SGCD: variants seen among roughly 807,000 people sequenced by gnomAD.
SGCD encodes delta-sarcoglycan.
A neutral mutation model predicts 36.6 loss-of-function variants in SGCD; 18 were observed. That is an observed-to-expected ratio of 0.49 (90% CI 0.34 to 0.73). The LOEUF is 0.73. Among genes scored for constraint, SGCD ranks in the 30% least tolerant of loss-of-function variants. The pLI is 0.01. For synonymous variants in SGCD, 133 were observed against 130.6 expected (o/e 1.02, Z -0.12); for missense variants, 387 against 346.7 (o/e 1.12, Z -0.92).
intron 3 of SGCD, among the ~76,000 whole-genome samples, chr5:156,445,567 A>G (rs1753724349): frequency 6.6e-6 from 1 of 152,132 alleles, no homozygotes; most frequent in Admixed American, 6.6e-5. Context: ...CAACGTGATT[A>G]TAAGTGTGGT....
At chr5:156,386,112 GT>G (rs1771263866) in intron 3 of SGCD, among the ~76,000 whole-genome samples, 1 of 152,344 alleles carries the variant, frequency 6.6e-6, no homozygotes, top group African/African-American at 2.4e-5. Context: ...TGATAGTATA[GT>G]TATTGAGCTT....
chr5:156,014,100 A>G (rs1156808463), intron 1 of SGCD, among the ~76,000 whole-genome samples: 1 of 151,842 alleles, frequency 6.6e-6, no homozygotes, highest in Admixed American at 6.6e-5. Flanking sequence ...TAATTATAGA[A>G]TCTCTTTTTG....
chr5:155,858,046 G>A, the SGCD span, among the ~76,000 whole-genome samples: 66 of 152,066 alleles, frequency 4.3e-4, no homozygotes, highest in East Asian at 6.2e-3. Flanking sequence ...ACTATAACTC[G>A]TGGTAGTGAT....
intron 3 of SGCD, among the ~76,000 whole-genome samples, chr5:156,449,892 A>AATT (rs1753933038): frequency 6.6e-6 from 1 of 151,298 alleles, no homozygotes; most frequent in Non-Finnish European, 1.5e-5. Context: ...TCGACTTCAG[A>AATT]ATTTCTCCAA....
chr5:155,847,195 A>G, the SGCD span, among the ~76,000 whole-genome samples: 1 of 152,194 alleles, frequency 6.6e-6, no homozygotes, highest in South Asian at 2.1e-4. Flanking sequence ...ATGAGATCTC[A>G]TGTAATTCTT....
chr5:155,777,273 T>C, the SGCD span, among the ~76,000 whole-genome samples: 1 of 152,160 alleles, frequency 6.6e-6, no homozygotes, highest in African/African-American at 2.4e-5. Flanking sequence ...AATATGTATA[T>C]TGTTGCTAGA....
intron 3 of SGCD, among the ~76,000 whole-genome samples, chr5:156,449,839 T>G (rs1457231660): frequency 1.6e-5 from 2 of 126,056 alleles, no homozygotes; most frequent in African/African-American, 3.1e-5. Flanking sequence ...GTGATAAGAG[T>G]GAAACTCCAT....
intron 1 of SGCD, among the ~76,000 whole-genome samples, chr5:155,928,699 A>T (rs1757043059): frequency 2.6e-5 from 4 of 151,774 alleles, no homozygotes; most frequent in East Asian, 1.9e-4. Flanking sequence ...GAGGTAAAAA[A>T]AATACAGCAC....
chr5:155,903,528 C>G (rs1259646379), intron 1 of SGCD, among the ~76,000 whole-genome samples: 1 of 152,136 alleles, frequency 6.6e-6, no homozygotes, highest in Non-Finnish European at 1.5e-5. Flanking sequence ...GTAAGTTCTT[C>G]TTTACTGAGC....
intron 7 of SGCD, among the ~76,000 whole-genome samples, chr5:156,656,638 T>C (rs1371676999): frequency 6.6e-6 from 1 of 152,168 alleles, no homozygotes; most frequent in Non-Finnish European, 1.5e-5. Context: ...AATTGTATGA[T>C]GGCAATTTCA....
chr5:155,876,881 A>T (rs1441813990), intron 1 of SGCD, among the ~76,000 whole-genome samples: 3 of 152,128 alleles, frequency 2.0e-5, no homozygotes. Context: ...ATCATGTGAA[A>T]ATATTAGGTT....
At chr5:156,234,210 C>G (rs1467381679) in intron 3 of SGCD, among the ~76,000 whole-genome samples, 2 of 152,000 alleles carry the variant, frequency 1.3e-5, no homozygotes, top group Non-Finnish European at 2.9e-5. Flanking sequence ...ACATTTTTAG[C>G]CTATTTTTAG....
At chr5:155,915,376 A>G in intron 1 of SGCD, among the ~76,000 whole-genome samples, 1 of 152,192 alleles carries the variant, frequency 6.6e-6, no homozygotes, top group East Asian at 1.9e-4. Flanking sequence ...TTGAAAACGC[A>G]TGGTTTAAAG....
chr5:155,791,323 C>A, the SGCD span, among the ~76,000 whole-genome samples: 1 of 152,052 alleles, frequency 6.6e-6, no homozygotes, highest in Non-Finnish European at 1.5e-5. Context: ...CTGTCAGAAG[C>A]TAGAACCATT....
intron 7 of SGCD, among the ~76,000 whole-genome samples, chr5:156,742,420 G>A (rs1756728924): frequency 6.6e-6 from 1 of 151,960 alleles, no homozygotes; most frequent in Non-Finnish European, 1.5e-5. Flanking sequence ...CTCAGTGGCT[G>A]ACCTCCACCA....
At chr5:156,364,643 T>C (rs1005999654) in intron 3 of SGCD, among the ~76,000 whole-genome samples, 1 of 152,206 alleles carries the variant, frequency 6.6e-6, no homozygotes, top group Admixed American at 6.5e-5. Flanking sequence ...TTTTTCCCTA[T>C]GTGTATGAAG....
intron 1 of SGCD, among the ~76,000 whole-genome samples, chr5:155,970,019 TAC>T (rs909135831): frequency 6.6e-5 from 10 of 150,976 alleles, no homozygotes; most frequent in African/African-American, 1.5e-4. Context: ...ACAGGACACA[TAC>T]ACACACACAC....
At chr5:156,654,439 C>T (rs912971005) in intron 7 of SGCD, among the ~76,000 whole-genome samples, 2 of 152,078 alleles carry the variant, frequency 1.3e-5, no homozygotes, top group Non-Finnish European at 2.9e-5. Context: ...GTCTTTCTTC[C>T]TTCAGTATGA....
chr5:156,081,501 C>T (rs1760951849), intron 1 of SGCD, among the ~76,000 whole-genome samples: 1 of 152,160 alleles, frequency 6.6e-6, no homozygotes, highest in Non-Finnish European at 1.5e-5. Context: ...TAAGCAATTC[C>T]TCCTGCCTCA....
Sources: allele counts gnomAD v4.1 joint callset (sites outside exome capture counted in the v4.1 genomes callset), GRCh38; gene constraint gnomAD v4.1.1; transcripts MANE v1.5; gene names NCBI Gene and HGNC (gene_info 2026-07-23, HGNC 2026-07-21).